Variants in SBNO1 observed in about 807,000 individuals in gnomAD.
SBNO1 encodes strawberry notch homolog 1.
In SBNO1, 23 loss-of-function variants were observed where a neutral mutation model predicts 173.6. The observed-to-expected ratio is 0.13, with a 90% CI of 0.10 to 0.19. SBNO1 has a LOEUF of 0.19. Ranked by LOEUF, SBNO1 falls within the 10% of genes least tolerant of loss-of-function variation. SBNO1 has a pLI of 1.00. For synonymous variants in SBNO1, 632 were observed against 571.5 expected (o/e 1.11, Z -1.51); for missense variants, 1,238 against 1,671.2 (o/e 0.74, Z 4.52).
Position 123,321,627 on chromosome 12 carries a change from T to C in SBNO1, c.2231A>G (p.Glu744Gly), listed in dbSNP as rs1238563556. Residue 744 changes from glutamate (E) to glycine (G), a missense_variant, in exon 17 of 32, where the codon GAA becomes GGA. Physicochemically the swap from Glu to Gly is moderately conservative, Grantham distance 98. Around this residue, in one of 14 missense-constraint regions of SBNO1, gnomAD observed 81 missense variants for 82.6 expected, o/e 0.98. Transcript: ENST00000602398. ...GSESDASDNE[E>G]SDYESSKNMS... ...GTTTTTAGAGCTCTCATAGTCACTT[T>C]CTTCATTATCAGAGGCATCAGATTC... 6.2e-7 allele frequency: 1 copy of C among 1,614,100 alleles called. No homozygotes were observed. The highest frequency in any genetic ancestry group is 1.7e-5 in the Admixed American group (1 of 60,018).
intron 30 of SBNO1, among the ~76,000 whole-genome samples, chr12:123,298,541 CA>C (rs2048679678): frequency 6.6e-6 from 1 of 152,234 alleles, no homozygotes; most frequent in Non-Finnish European, 1.5e-5. Context: ...AGGCGTGAGC[CA>C]CCGCTCTTGG....
chr12:123,320,628 A>T, intron 18 of SBNO1, 21 bp from the exon 19 acceptor site: 1 of 1,602,158 alleles, frequency 6.2e-7, no homozygotes, highest in Non-Finnish European at 8.5e-7. Context: ...AACATTTGCT[A>T]AAAGTTAGTA....
chr12:123,321,612 C>G lies in SBNO1; in HGVS notation c.2246G>C (p.Ser749Thr), dbSNP rs754718548. 23 of 1,613,742 alleles carry G rather than the reference C, an allele frequency of 1.4e-5. No individual in the cohort carries two copies. The Admixed American group carries it at 3.0e-4, about 21-fold the overall frequency. ...ASDNEESDYE[S>T]SKNMSSGDDD... Reference sequence around the variant, plus strand: ...ATCTCCAGAACTCATGTTTTTAGAGCTCTCATAGTCACTTTCTTCATTATC... The same window carrying G: ...ATCTCCAGAACTCATGTTTTTAGAGGTCTCATAGTCACTTTCTTCATTATC... The change falls in exon 17 of 32, where the codon AGC (serine) becomes ACC (threonine). Residue 749 changes from serine to threonine, a missense_variant. Ser to Thr is a moderately conservative substitution (Grantham distance 58, BLOSUM62 1). Coordinates refer to ENST00000602398, the MANE Select transcript of SBNO1 (RefSeq NM_001167856.3).
At position 123,350,504 on chromosome 12, in the gene SBNO1, CTAAATA is replaced by C. The variant is rs1285212607; in HGVS notation, c.1-69_1-64del. 13 of 1,293,146 alleles carry C rather than the reference CTAAATA, an allele frequency of 1.0e-5. No homozygotes were observed. In the Admixed American group the frequency reaches 1.4e-4, roughly 13 times the overall value. The allele number at this position is 1,293,146 out of a possible 1,614,324, so 80.1% of individuals were successfully genotyped here. On this transcript the variant is annotated intron_variant, in intron 1 of 31. Coordinates refer to ENST00000602398, the MANE Select transcript of SBNO1 (RefSeq NM_001167856.3). ...AAAAGTGACAAATATTAACTCCCCTCTAAATATAAACAATCCAACAATCTCTATTAG... is the reference window on the plus strand; with the variant it reads ...AAAAGTGACAAATATTAACTCCCCTCTAAACAATCCAACAATCTCTATTAG...
chr12:123,320,465 G>T lies in SBNO1; in HGVS notation c.2634C>A (p.Ile878=). 1 of 1,613,624 alleles carries T rather than the reference G, an allele frequency of 6.2e-7. No homozygotes were observed. Among genetic ancestry groups the T allele is most frequent in the Non-Finnish European group, 8.5e-7 (1 of 1,179,818 alleles). Reference sequence around the variant, plus strand: ...CGTTCTCAGGGCCACCAAGTTCATCGATAAGTTCATCCAGGGTATTAGGGG... The same window carrying T: ...CGTTCTCAGGGCCACCAAGTTCATCTATAAGTTCATCCAGGGTATTAGGGG... The part of the protein sequence containing the change: ...DLPPNTLDEL[I]DELGGPENVA... The change falls in exon 19 of 32, where the codon ATC becomes ATA. Residue 878 remains isoleucine (I), a synonymous_variant. Transcript: ENST00000602398.
intron 4 of SBNO1, 130 bp from the exon 5 acceptor site, chr12:123,341,218 A>G (rs1036931122): frequency 2.6e-5 from 15 of 568,728 alleles, no homozygotes; most frequent in African/African-American, 2.5e-4. Flanking sequence ...TGGGACACCA[A>G]GGCGGGTGAA....
In SBNO1 at chr12:123,361,843, T is replaced by C. The variant is rs1875241422; in HGVS notation, c.-1+2858A>G. ...CCCCTTCAGCAACTAAAGTGAAGAT[T>C]TATTTAAGATTCTGAGGCCAGGCGC... On this transcript the variant is annotated intron_variant, in intron 1 of 31. Coordinates refer to ENST00000602398, the MANE Select transcript of SBNO1 (RefSeq NM_001167856.3). Among the ~76,000 whole-genome samples the C allele has an allele frequency of 2.0e-5, 3 of 152,170 alleles. No homozygotes were observed. The South Asian group carries it at 6.2e-4, about 32-fold the overall frequency.
chr12:123,338,819 G>A (rs530447253), intron 5 of SBNO1, among the ~76,000 whole-genome samples: 19 of 152,136 alleles, frequency 1.2e-4, no homozygotes, highest in Admixed American at 1.1e-3. Context: ...GTTGCAGTGA[G>A]CTGAGATTGC....
chr12:123,333,322 C>T (rs900432515), intron 7 of SBNO1, among the ~76,000 whole-genome samples: 1 of 152,140 alleles, frequency 6.6e-6, no homozygotes, highest in South Asian at 2.1e-4. Context: ...CCACACAACA[C>T]CCCACTGTCC....
intron 12 of SBNO1, 24 bp from the exon 13 acceptor site, chr12:123,327,603 TAA>T (rs1230333873): frequency 2.5e-6 from 4 of 1,606,932 alleles, no homozygotes; most frequent in Non-Finnish European, 3.4e-6. Context: ...AAACATACAG[TAA>T]TTACCAATAC....
At chr12:123,299,484 A>G (rs952545270) in intron 30 of SBNO1, among the ~76,000 whole-genome samples, 1 of 151,726 alleles carries the variant, frequency 6.6e-6, no homozygotes, top group Non-Finnish European at 1.5e-5. Flanking sequence ...GATCCAGAGC[A>G]TCCTGGCTAA....
rs1002461128 is a variant in SBNO1 at position 123,294,440 on chromosome 12, G to A, written c.*1468C>T. On this transcript the variant is annotated 3_prime_UTR_variant, in exon 32 of 32. Coordinates refer to ENST00000602398, the MANE Select transcript of SBNO1 (RefSeq NM_001167856.3). The stretch of plus-strand genomic sequence containing the variant: ...GCCAAACTATAAGGCTACCTGGAAT[G>A]CTGAGACAACACACAAATTCTGCTG... The A allele has an allele frequency of 6.6e-6, 1 of 152,286 alleles. No homozygotes were observed. The highest frequency in any genetic ancestry group is 1.5e-5 in the Non-Finnish European group (1 of 68,206). 9.4% of individuals were successfully genotyped at this position (152,286 alleles called of 1,614,324 possible). A position where few individuals can be genotyped will look rare whatever the true frequency, so the allele number is the denominator to read the frequency against.
intron 10 of SBNO1, 32 bp from the exon 11 acceptor site, chr12:123,328,059 T>G (rs1593370190): frequency 6.5e-7 from 1 of 1,533,590 alleles, no homozygotes. Flanking sequence ...ATGTATCACA[T>G]TAGTATTAAG....
At chr12:123,345,225 A>G (rs1386148838) in intron 4 of SBNO1, 33 bp downstream of exon 4, 3 of 1,550,332 alleles carry the variant, frequency 1.9e-6, no homozygotes, top group Non-Finnish European at 2.7e-6. Context: ...CTTACCAGAG[A>G]GAGAAAGTTG....
At chr12:123,312,375 A>G (rs967962376) in intron 24 of SBNO1, among the ~76,000 whole-genome samples, 4 of 152,190 alleles carry the variant, frequency 2.6e-5, no homozygotes, top group Admixed American at 1.3e-4. Context: ...TTAACAACAC[A>G]TATCAGTATG....
At chr12:123,362,212 G>C (rs957899529) in intron 1 of SBNO1, among the ~76,000 whole-genome samples, 2 of 151,706 alleles carry the variant, frequency 1.3e-5, no homozygotes, top group African/African-American at 4.8e-5. Flanking sequence ...CGAGGCAAGC[G>C]GATCACGAGG....
intron 16 of SBNO1, among the ~76,000 whole-genome samples, chr12:123,322,583 C>T (rs775696325): frequency 6.6e-6 from 1 of 151,878 alleles, no homozygotes; most frequent in Non-Finnish European, 1.5e-5. Flanking sequence ...AGGCGTGAGC[C>T]ACTGTGCCCG....
Position 123,297,966 on chromosome 12 carries a change from A to C in SBNO1, c.4039+12T>G. The C allele has an allele frequency of 6.2e-7, 1 of 1,608,802 alleles. No individual in the cohort carries two copies. Among genetic ancestry groups the C allele is most frequent in the Non-Finnish European group, 8.5e-7 (1 of 1,178,686 alleles). Reference sequence around the variant, plus strand: ...TTCCTGCAACTCAAACCAAAACAAAAATTAGACTCACCTACAATCCGTTGC... The same window carrying C: ...TTCCTGCAACTCAAACCAAAACAAACATTAGACTCACCTACAATCCGTTGC... On this transcript the variant is annotated intron_variant, in intron 31 of 31. Coordinates refer to ENST00000602398, the MANE Select transcript of SBNO1 (RefSeq NM_001167856.3).
At chr12:123,364,051 T>C (rs1366228848) in intron 1 of SBNO1, 3 of 985,316 alleles carry the variant, frequency 3.0e-6, no homozygotes, top group Non-Finnish European at 3.6e-6. Context: ...GGGTAATTCT[T>C]AGGGTCTGGG....
Sources: allele counts gnomAD v4.1 joint callset (sites outside exome capture counted in the v4.1 genomes callset), GRCh38; gene constraint gnomAD v4.1.1; regional missense constraint gnomAD v4.1.1; transcripts MANE v1.5; gene names NCBI Gene and HGNC (gene_info 2026-07-23, HGNC 2026-07-21).